Variants in COBL observed in about 807,000 individuals in gnomAD.
COBL encodes cordon-bleu WH2 repeat protein.
A neutral mutation model predicts 98.8 loss-of-function variants in COBL; 51 were observed. The observed-to-expected ratio is 0.52, with a 90% CI of 0.41 to 0.65. The LOEUF is 0.65. COBL is among the 30% of genes least tolerant of loss of function. The pLI is 0.00. For missense variants in COBL, 1,617 were observed against 1,617.5 expected, an observed-to-expected ratio of 1.00 and a Z score of 0.01; for synonymous variants, 634 against 651.7, an observed-to-expected ratio of 0.97 and a Z score of 0.41.
At chr7:51,156,806 C>T (rs1474431085) in intron 5 of COBL, among the ~76,000 whole-genome samples, 1 of 151,824 alleles carries the variant, frequency 6.6e-6, no homozygotes, top group African/African-American at 2.4e-5. Flanking sequence ...TGGGAACTTT[C>T]ATTTCTTAAC....
chr7:51,254,025 G>A (rs933732266), intron 1 of COBL, among the ~76,000 whole-genome samples: 8 of 151,138 alleles, frequency 5.3e-5, no homozygotes, highest in African/African-American at 9.7e-5. Context: ...CTATTTTTAT[G>A]TTGGATACCT....
intron 1 of COBL, among the ~76,000 whole-genome samples, chr7:51,266,212 T>C (rs1798186884): frequency 6.6e-6 from 1 of 152,212 alleles, no homozygotes; most frequent in African/African-American, 2.4e-5. Flanking sequence ...AAAATATAGA[T>C]TGAAAACTAA....
Position 51,025,199 on chromosome 7 carries a change from G to A in COBL, c.3678C>T (p.Phe1226=), listed in dbSNP as rs1272687201. 1.4e-6 allele frequency: 2 copies of A among 1,416,854 alleles called. No individual in the cohort carries two copies. Among genetic ancestry groups the A allele is most frequent in the African/African-American group, 1.5e-5 (1 of 67,792 alleles). 87.8% of individuals were successfully genotyped at this position (1,416,854 alleles called of 1,614,324 possible). Residue 1226 remains phenylalanine (F), a synonymous_variant, in exon 12 of 13, where the codon TTC becomes TTT. Transcript: ENST00000265136. ...ALSAPRTASR[F]STGTLSNTAD... The stretch of plus-strand genomic sequence containing the variant: ...CGGTGTTGCTGAGGGTGCCCGTGCT[G>A]AACCTGGAGGCCGTCCTTGGTGCAG...
chr7:51,070,815 C>G, intron 7 of COBL: 1 of 152,250 alleles, frequency 6.6e-6, no homozygotes, highest in East Asian at 1.9e-4. Context: ...ACAGTAACGA[C>G]TTTTCCAAAT....
rs1439925914 is a variant in COBL at position 51,190,991 on chromosome 7, G to A, written c.544C>T (p.Pro182Ser). The A allele has an allele frequency of 6.2e-7, 1 of 1,614,018 alleles. No individual in the cohort carries two copies. Among genetic ancestry groups the A allele is most frequent in the African/African-American group, 1.3e-5 (1 of 74,912 alleles). ...ACCTCACACTTTGCACAAATGACTG[G>A]GAGAATATTCTGGAGAGGAACCTCA... is the stretch of plus-strand genomic sequence containing the variant. ...SPEVPLQNIL[P>S]VICAKCEVSP... The change falls in exon 4 of 13, where the codon CCA becomes TCA. Residue 182 changes from proline (P) to serine (S), a missense_variant. Coordinates refer to ENST00000265136, the MANE Select transcript of COBL (RefSeq NM_015198.5).
chr7:51,046,700 G>A (rs551001259), intron 7 of COBL, among the ~76,000 whole-genome samples: 2 of 152,198 alleles, frequency 1.3e-5, no homozygotes, highest in Admixed American at 1.3e-4. Flanking sequence ...GGGCTGCATC[G>A]AGGTTGGGGG....
At chr7:51,280,374 T>G (rs1396466790) in intron 1 of COBL, among the ~76,000 whole-genome samples, 2 of 152,154 alleles carry the variant, frequency 1.3e-5, no homozygotes, top group African/African-American at 2.4e-5. Context: ...CAAGCAGTCC[T>G]GAGGTGGCAG....
intron 2 of COBL, among the ~76,000 whole-genome samples, chr7:51,213,755 C>G (rs531044980): frequency 6.6e-6 from 1 of 152,076 alleles, no homozygotes; most frequent in East Asian, 1.9e-4. Flanking sequence ...TCGCCGGAAA[C>G]AGAACCCATG....
chr7:51,098,979 T>C (rs543585383), intron 6 of COBL, among the ~76,000 whole-genome samples: 49 of 151,600 alleles, frequency 3.2e-4, no homozygotes, highest in African/African-American at 4.4e-4. Context: ...AAGGAAGATA[T>C]ACAAATGGCC....
chr7:51,091,947 T>G (rs555072745), intron 6 of COBL, among the ~76,000 whole-genome samples: 1 of 152,130 alleles, frequency 6.6e-6, no homozygotes, highest in African/African-American at 2.4e-5. Context: ...CAACCAAGAA[T>G]AGTTTATCTC....
chr7:51,182,460 T>G (rs980281934), intron 5 of COBL, among the ~76,000 whole-genome samples: 6 of 152,046 alleles, frequency 3.9e-5, no homozygotes, highest in Non-Finnish European at 5.9e-5. Context: ...TTTTGTATTT[T>G]TAGCAGAGAC....
chr7:51,290,236 T>A (rs1243399852), intron 1 of COBL, among the ~76,000 whole-genome samples: 1 of 152,250 alleles, frequency 6.6e-6, no homozygotes, highest in Non-Finnish European at 1.5e-5. Flanking sequence ...GCCAGTGGCA[T>A]AAATTATGTG....
At chr7:51,144,273 T>C (rs1295630763) in intron 5 of COBL, among the ~76,000 whole-genome samples, 2 of 152,166 alleles carry the variant, frequency 1.3e-5, no homozygotes, top group Non-Finnish European at 2.9e-5. Context: ...ACCAGCTCTA[T>C]AGGAAGGTAA....
At chr7:51,092,247 G>T (rs1562900202) in intron 6 of COBL, among the ~76,000 whole-genome samples, 2 of 152,170 alleles carry the variant, frequency 1.3e-5, no homozygotes, top group Non-Finnish European at 2.9e-5. Flanking sequence ...TGGAAAAATT[G>T]TCTTCCACAA....
intron 1 of COBL, among the ~76,000 whole-genome samples, chr7:51,261,145 C>T (rs957635695): frequency 1.3e-5 from 2 of 152,210 alleles, no homozygotes; most frequent in African/African-American, 4.8e-5. Context: ...AGATGGCTTA[C>T]TCCTCTCTTC....
At chr7:51,120,985 A>G (rs1159937791) in intron 6 of COBL, among the ~76,000 whole-genome samples, 1 of 152,182 alleles carries the variant, frequency 6.6e-6, no homozygotes, top group Non-Finnish European at 1.5e-5. Context: ...ACATGGGTGT[A>G]CAGGTATCTG....
At chr7:51,199,781 GAA>G (rs770599076) in intron 2 of COBL, among the ~76,000 whole-genome samples, 2 of 112,674 alleles carry the variant, frequency 1.8e-5, no homozygotes, top group Admixed American at 9.0e-5. Context: ...CCAGTTAGAA[GAA>G]AAAAAAAAAA....
intron 5 of COBL, among the ~76,000 whole-genome samples, chr7:51,154,292 C>T (rs752807907): frequency 6.6e-6 from 1 of 152,174 alleles, no homozygotes; most frequent in Non-Finnish European, 1.5e-5. Flanking sequence ...TGCTGGACCT[C>T]ATAAGAACAG....
intron 1 of COBL, among the ~76,000 whole-genome samples, chr7:51,251,861 TACAC>T (rs373984921): frequency 4.0e-4 from 61 of 151,522 alleles, no homozygotes; most frequent in Non-Finnish European, 8.0e-4. Flanking sequence ...TGCATGTGTA[TACAC>T]ACACACACAC....
Sources: gnomAD v4.1 joint callset for allele counts (sites outside exome capture counted in the v4.1 genomes callset) on GRCh38, gnomAD v4.1.1 for gene constraint, MANE v1.5 for transcripts, NCBI Gene and HGNC (gene_info 2026-07-23, HGNC 2026-07-21) for gene names.